WWOX: variants seen among roughly 807,000 people sequenced by gnomAD.
WWOX encodes WW domain-containing oxidoreductase.
In WWOX, 69 loss-of-function variants were observed where a neutral mutation model predicts 46.2. The ratio of observed to expected loss-of-function variants is 1.49; its 90% CI spans 1.23 to 1.82. The LOEUF (loss-of-function observed/expected upper bound fraction) is 1.82, where lower values mean the gene tolerates loss of function less well. Among genes scored for constraint, WWOX ranks in the 40% most tolerant of loss-of-function variants. WWOX has a pLI of 0.00. For missense variants in WWOX, 919 were observed against 542.6 expected, an observed-to-expected ratio of 1.69 and a Z score of -6.89; for synonymous variants, 359 against 202.6, an observed-to-expected ratio of 1.77 and a Z score of -6.56.
chr16:78,812,328 G>C (rs1222088693), intron 8 of WWOX, among the ~76,000 whole-genome samples: 1 of 152,120 alleles, frequency 6.6e-6, no homozygotes, highest in African/African-American at 2.4e-5. Flanking sequence ...ATTGGGTTTT[G>C]AGACCCTCAG....
intron 8 of WWOX, among the ~76,000 whole-genome samples, chr16:78,626,850 A>T (rs1426771703): frequency 6.6e-6 from 1 of 152,144 alleles, no homozygotes; most frequent in Non-Finnish European, 1.5e-5. Flanking sequence ...TTTATGCTTT[A>T]TGTTATAATC....
intron 8 of WWOX, among the ~76,000 whole-genome samples, chr16:78,863,893 G>A (rs376787112): frequency 6.6e-6 from 1 of 152,134 alleles, no homozygotes; most frequent in Non-Finnish European, 1.5e-5. Context: ...ACTTAGCATC[G>A]TGTTTTTGAG....
At chr16:78,988,067 G>C (rs888624103) in intron 8 of WWOX, among the ~76,000 whole-genome samples, 1 of 152,032 alleles carries the variant, frequency 6.6e-6, no homozygotes, top group African/African-American at 2.4e-5. Context: ...TTCTGGTCTG[G>C]TGCTGTGGGT....
At chr16:78,969,077 A>T (rs16949045) in intron 8 of WWOX, among the ~76,000 whole-genome samples, 3,923 of 152,100 alleles carry the variant, frequency 0.026, 153 homozygotes, top group African/African-American at 0.088. Flanking sequence ...CCTCCATTAG[A>T]GACCTGGCGT....
chr16:78,646,063 C>G (rs560425013), intron 8 of WWOX, among the ~76,000 whole-genome samples: 1 of 152,056 alleles, frequency 6.6e-6, no homozygotes, highest in Non-Finnish European at 1.5e-5. Flanking sequence ...CATTGGTCTT[C>G]CTTGGGTAAC....
intron 5 of WWOX, among the ~76,000 whole-genome samples, chr16:78,245,840 A>G (rs1597396346): frequency 1.3e-5 from 2 of 152,186 alleles, no homozygotes; most frequent in South Asian, 2.1e-4. Flanking sequence ...CTTCCAGGTC[A>G]TAATTAACCT....
intron 8 of WWOX, among the ~76,000 whole-genome samples, chr16:78,731,525 TTTCA>T (rs578019814): frequency 4.4e-4 from 67 of 152,286 alleles, no homozygotes; most frequent in Admixed American, 9.2e-4. Context: ...TCCTTTTTCC[TTTCA>T]TTCCTTCTTA....
intron 8 of WWOX, among the ~76,000 whole-genome samples, chr16:78,463,263 G>T (rs1195174749): frequency 6.6e-6 from 1 of 152,156 alleles, no homozygotes; most frequent in African/African-American, 2.4e-5. Flanking sequence ...TGTTGGAGGT[G>T]CCCTTGCAGG....
intron 8 of WWOX, among the ~76,000 whole-genome samples, chr16:78,905,740 A>C (rs1348015302): frequency 6.6e-6 from 1 of 152,198 alleles, no homozygotes; most frequent in East Asian, 1.9e-4. Context: ...ATATGAGCCG[A>C]TCAAATGTGA....
chr16:78,328,233 AAAC>A (rs755414646), intron 5 of WWOX, among the ~76,000 whole-genome samples: 45 of 152,246 alleles, frequency 3.0e-4, no homozygotes, highest in African/African-American at 9.1e-4. Flanking sequence ...AACCTTCAAA[AAAC>A]AACAAGTGGC....
intron 8 of WWOX, among the ~76,000 whole-genome samples, chr16:78,672,152 T>C (rs1277518694): frequency 2.0e-5 from 3 of 152,216 alleles, no homozygotes; most frequent in Non-Finnish European, 4.4e-5. Context: ...TAAATGATTT[T>C]ATTTAAATGT....
intron 4 of WWOX, 92 bp from the exon 5 acceptor site, chr16:78,164,091 G>A (rs2034886885): frequency 5.9e-6 from 7 of 1,179,968 alleles, no homozygotes; most frequent in Admixed American, 2.0e-5. Context: ...AGAACTTGGG[G>A]TAATTTAAGT....
At chr16:78,292,892 G>A (rs1434588160) in intron 5 of WWOX, among the ~76,000 whole-genome samples, 2 of 152,202 alleles carry the variant, frequency 1.3e-5, no homozygotes, top group Non-Finnish European at 2.9e-5. Context: ...CTTCAAGCCA[G>A]TGATCCAGGC....
At chr16:78,685,752 G>T (rs927313384) in intron 8 of WWOX, among the ~76,000 whole-genome samples, 2 of 152,162 alleles carry the variant, frequency 1.3e-5, no homozygotes, top group Admixed American at 6.5e-5. Context: ...GCTTGCCAAG[G>T]AGTAAGATCT....
At chr16:79,155,585 A>T (rs1262912829) in intron 8 of WWOX, among the ~76,000 whole-genome samples, 1 of 152,182 alleles carries the variant, frequency 6.6e-6, no homozygotes, top group Non-Finnish European at 1.5e-5. Context: ...CCAAGTTGAC[A>T]TAGAGAGCCA....
chr16:78,456,673 T>C (rs1371050924), intron 8 of WWOX, among the ~76,000 whole-genome samples: 1 of 152,232 alleles, frequency 6.6e-6, no homozygotes, highest in East Asian at 1.9e-4. Context: ...ATATTTTTTG[T>C]TGATGACTCT....
intron 8 of WWOX, among the ~76,000 whole-genome samples, chr16:79,053,771 A>C (rs552726440): frequency 3.9e-5 from 6 of 152,162 alleles, no homozygotes; most frequent in Non-Finnish European, 8.8e-5. Flanking sequence ...TAGTTATGCA[A>C]ATGAAAACCA....
intron 8 of WWOX, 28 bp from the exon 9 acceptor site, chr16:79,211,565 CTTTTCTTAAAATTTT>C: frequency 6.2e-7 from 1 of 1,613,652 alleles, no homozygotes; most frequent in Non-Finnish European, 8.5e-7. Context: ...CTCATCACTC[CTTTTCTTAAAATTTT>C]TTTTTGTCTT....
chr16:79,185,014 G>C (rs1023247601), intron 8 of WWOX, among the ~76,000 whole-genome samples: 6 of 152,130 alleles, frequency 3.9e-5, no homozygotes, highest in Admixed American at 3.9e-4. Flanking sequence ...ATAAAAATCA[G>C]GAAACACACA....
Sources: allele counts gnomAD v4.1 joint callset (sites outside exome capture counted in the v4.1 genomes callset), GRCh38; gene constraint gnomAD v4.1.1; transcripts MANE v1.5; gene names NCBI Gene and HGNC (gene_info 2026-07-23, HGNC 2026-07-21).